ZNF57: variants seen among roughly 807,000 people sequenced by gnomAD.
ZNF57 encodes the protein zinc finger protein 57, also known as zinc finger protein 424.
A neutral mutation model predicts 13.4 loss-of-function variants in ZNF57; 11 were observed. That is an observed-to-expected ratio of 0.82 (90% CI 0.52 to 1.36). The LOEUF is 1.36. ZNF57 is among the 40% of genes most tolerant of loss of function. The pLI, the probability that ZNF57 is intolerant of heterozygous loss-of-function variation, is 0.00. For missense variants in ZNF57, 696 were observed against 667.5 expected, an observed-to-expected ratio of 1.04 and a Z score of -0.47; for synonymous variants, 224 against 238.5, an observed-to-expected ratio of 0.94 and a Z score of 0.56.
chr19:2,915,582 G>A lies in ZNF57; in HGVS notation c.64G>A (p.Asp22Asn), dbSNP rs146287403. The A allele has an allele frequency of 1.2e-6, 2 of 1,613,944 alleles. No homozygotes were observed. Among genetic ancestry groups the A allele is most frequent in the African/African-American group, 2.7e-5 (2 of 74,926 alleles). ...DFTLEEWALL[D>N]SAQRDLYRDV... ...CACCCTGGAGGAGTGGGCTTTGCTG[G>A]ATTCTGCTCAGAGGGACCTCTACAG... The change falls in exon 2 of 4, where the codon GAT (aspartate) becomes AAT (asparagine). Residue 22 changes from aspartate to asparagine, a missense_variant. Asp to Asn is a conservative substitution (Grantham distance 23). This residue lies in a region of ZNF57 where 43 missense variants were observed against 53.5 expected (regional missense o/e 0.80). Transcript: ENST00000306908.
chr19:2,918,343 C>T lies in ZNF57; in HGVS notation c.*54C>T, dbSNP rs1233681450. 4.6e-6 allele frequency: 7 copies of T among 1,509,480 alleles called. No homozygotes were observed. Among genetic ancestry groups the T allele is most frequent in the African/African-American group, 1.4e-5 (1 of 71,614 alleles). 93.5% of individuals were successfully genotyped at this position (1,509,480 alleles called of 1,614,324 possible). A position where few individuals can be genotyped will look rare whatever the true frequency, so the allele number is the denominator to read the frequency against. On this transcript the variant is annotated 3_prime_UTR_variant, in exon 4 of 4. Transcript: ENST00000306908. ...ACCTCACATTAATTCATGTATAATG[C>T]TCCAGAAAATTCACACCAGGAGAGA...
intron 1 of ZNF57, among the ~76,000 whole-genome samples, chr19:2,914,026 C>A (rs2088165922): frequency 6.6e-6 from 1 of 152,184 alleles, no homozygotes. Flanking sequence ...CGTTCTTCTG[C>A]ACTTGAGAAG....
At chr19:2,906,211 C>G (rs2088074125) in intron 1 of ZNF57, among the ~76,000 whole-genome samples, 1 of 152,194 alleles carries the variant, frequency 6.6e-6, no homozygotes, top group African/African-American at 2.4e-5. Flanking sequence ...TGCCACCACA[C>G]CCAGCTAATT....
chr19:2,916,880 T>C (rs777736977), intron 3 of ZNF57, 44 bp from the exon 4 acceptor site: 1 of 1,489,304 alleles, frequency 6.7e-7, no homozygotes, highest in Non-Finnish European at 9.1e-7. Context: ...CAACACATCA[T>C]TACTAAACAT....
In ZNF57 at chr19:2,903,471, C is replaced by T. The variant is rs139774225; in HGVS notation, c.3+2423C>T. Reference sequence around the variant, plus strand: ...AAGTGATCCACCCTCCTCCGCCTCCCAAAGTGCTGGGATTTCAGGCGTGAG... The same window carrying T: ...AAGTGATCCACCCTCCTCCGCCTCCTAAAGTGCTGGGATTTCAGGCGTGAG... On this transcript the variant is annotated intron_variant, in intron 1 of 3. Coordinates refer to ENST00000306908, the MANE Select transcript of ZNF57 (RefSeq NM_173480.3). Among the ~76,000 whole-genome samples, 241 of 152,230 alleles carry T rather than the reference C, an allele frequency of 1.6e-3. 2 individuals carry two copies. The highest frequency in any genetic ancestry group is 5.6e-3 in the African/African-American group (231 of 41,548).
Position 2,917,280 on chromosome 19 carries a change from CA to C in ZNF57, c.660del (p.Glu221ArgfsTer23). 2 of 1,614,076 alleles carry C rather than the reference CA, an allele frequency of 1.2e-6. No homozygotes were observed. The highest frequency in any genetic ancestry group is 1.7e-6 in the Non-Finnish European group (2 of 1,179,954). ...TCCCACCACGTAAAGACTCACACAG[CA>C]GAGAAAACCTACAAATGCGAGCAGT... The part of the protein sequence containing the change: ...YLSHHVKTHT[A>X]EKTYKCEQCR... On this transcript the variant is annotated frameshift_variant, in exon 4 of 4. Transcript: ENST00000306908. LOFTEE classifies it low-confidence loss of function (END_TRUNC).
intron 2 of ZNF57, 77 bp from the exon 3 acceptor site, chr19:2,916,001 T>C: frequency 6.7e-7 from 1 of 1,496,350 alleles, no homozygotes; most frequent in South Asian, 1.3e-5. Flanking sequence ...GTCCTCAAAA[T>C]GCTAAACTCC....
At position 2,903,281 on chromosome 19, in the gene ZNF57, C is replaced by CT. The variant is rs1200807663; in HGVS notation, c.3+2233_3+2234insT. ...GGCTGGAGTACAGTGGCGTGATCTC[C>CT]ACACATTGTATCATCCGCCTCCCGG... On this transcript the variant is annotated intron_variant, in intron 1 of 3. Transcript: ENST00000306908. Among the ~76,000 whole-genome samples, 24 of 150,756 alleles carry CT rather than the reference C, an allele frequency of 1.6e-4. 1 individual carries two copies. The Middle Eastern group carries it at 0.018, about 111-fold the overall frequency.
rs752126546 is a variant in ZNF57 at position 2,917,355 on chromosome 19, C to T, written c.734C>T (p.Thr245Ile). Residue 245 changes from threonine to isoleucine, a missense_variant, in exon 4 of 4, where the codon ACT becomes ATT. Thr to Ile is a moderately conservative substitution (Grantham distance 89). Coordinates refer to ENST00000306908, the MANE Select transcript of ZNF57 (RefSeq NM_173480.3). ...GFASFTRHVRTHTKDRPYKCQ... is the reference protein window; with the variant it reads ...GFASFTRHVRIHTKDRPYKCQ... The stretch of plus-strand genomic sequence containing the variant: ...GCAAGCTTCACTAGACATGTGAGAA[C>T]TCACACAAAAGACAGGCCATATAAA... 2.2e-5 allele frequency: 36 copies of T among 1,614,086 alleles called. No individual in the cohort carries two copies. Among genetic ancestry groups the T allele is most frequent in the Non-Finnish European group, 5.1e-6 (6 of 1,180,058 alleles).
Position 2,916,052 on chromosome 19 carries a change from G to A in ZNF57, c.131-26G>A, listed in dbSNP as rs62125397. The A allele has an allele frequency of 0.017, 27,116 of 1,599,888 alleles. 284 individuals are homozygous for A. Among genetic ancestry groups the A allele is most frequent in the Non-Finnish European group, 0.02 (23,313 of 1,174,166 alleles). Reference sequence around the variant, plus strand: ...GCTTAATACGTGTCTTATTCCTTTTGAGATTTGTTTACTTTTTTGTTGCAG... The same window carrying A: ...GCTTAATACGTGTCTTATTCCTTTTAAGATTTGTTTACTTTTTTGTTGCAG... On this transcript the variant is annotated intron_variant, in intron 2 of 3. Coordinates refer to ENST00000306908, the MANE Select transcript of ZNF57 (RefSeq NM_173480.3).
chr19:2,905,374 A>T lies in ZNF57; in HGVS notation c.3+4326A>T, dbSNP rs928552607. On this transcript the variant is annotated intron_variant, in intron 1 of 3. Coordinates refer to ENST00000306908, the MANE Select transcript of ZNF57 (RefSeq NM_173480.3). ...GAGATGGGGTTTCATCATGTTGGCC[A>T]GGCTGGTCTCGAACTCTTGACTTCA... 6.0e-5 allele frequency among the ~76,000 whole-genome samples: 7 copies of T among 116,322 alleles called. No individual in the cohort carries two copies. The Admixed American group carries it at 6.9e-4, about 11-fold the overall frequency. 76.3% of individuals were successfully genotyped at this position (116,322 alleles called of 152,430 possible). A position where few individuals can be genotyped will look rare whatever the true frequency, so the allele number is the denominator to read the frequency against.
chr19:2,903,536 C>T (rs2088046853), intron 1 of ZNF57, among the ~76,000 whole-genome samples: 2 of 151,550 alleles, frequency 1.3e-5, no homozygotes. Context: ...ATATAAACAC[C>T]AGTGGCCTTA....
At position 2,908,461 on chromosome 19, in the gene ZNF57, G is replaced by GTTTTTTT. The variant is rs60289248; in HGVS notation, c.4-7050_4-7044dup. ...TTTCATTGTTGTTGTTATTTTTTTG[G>GTTTTTTT]TTTTTTTTTTTTTTTTTGAGACGGA... On this transcript the variant is annotated intron_variant, in intron 1 of 3. Transcript: ENST00000306908. 1.1e-4 allele frequency among the ~76,000 whole-genome samples: 13 copies of GTTTTTTT among 122,638 alleles called. 1 individual carries two copies. Among genetic ancestry groups the GTTTTTTT allele is most frequent in the African/African-American group, 2.3e-4 (7 of 30,650 alleles). The allele number at this position is 122,638 out of a possible 152,430, so 80.5% of individuals were successfully genotyped here. A position where few individuals can be genotyped will look rare whatever the true frequency, so the allele number is the denominator to read the frequency against.
intron 1 of ZNF57, among the ~76,000 whole-genome samples, chr19:2,905,527 G>A (rs546665816): frequency 5.4e-5 from 8 of 148,388 alleles, no homozygotes; most frequent in South Asian, 4.3e-4. Flanking sequence ...TCCCTCTACC[G>A]GCGGAGGCGG....
intron 1 of ZNF57, among the ~76,000 whole-genome samples, chr19:2,912,729 CTG>C (rs1436638668): frequency 6.6e-6 from 1 of 152,164 alleles, no homozygotes; most frequent in African/African-American, 2.4e-5. Context: ...AACTGCCACA[CTG>C]TTTTCTTAAT....
chr19:2,903,322 C>G (rs146389382), intron 1 of ZNF57, among the ~76,000 whole-genome samples: 1 of 152,118 alleles, frequency 6.6e-6, no homozygotes, highest in African/African-American at 2.4e-5. Flanking sequence ...AGCAATTCTC[C>G]TGCCTCAGCC....
At chr19:2,916,879 A>G (rs755629277) in intron 3 of ZNF57, 45 bp from the exon 4 acceptor site, 36 of 1,478,632 alleles carry the variant, frequency 2.4e-5, no homozygotes, top group Non-Finnish European at 3.3e-5. Flanking sequence ...TCAACACATC[A>G]TTACTAAACA....
chr19:2,909,190 T>G (rs769522520), intron 1 of ZNF57, among the ~76,000 whole-genome samples: 2 of 152,020 alleles, frequency 1.3e-5, no homozygotes, highest in Non-Finnish European at 2.9e-5. Context: ...GTTTTCAAAT[T>G]TCTTCAGTAT....
At chr19:2,908,537 C>T (rs547063881) in intron 1 of ZNF57, among the ~76,000 whole-genome samples, 1 of 147,048 alleles carries the variant, frequency 6.8e-6, no homozygotes, top group Non-Finnish European at 1.5e-5. Flanking sequence ...CTCGAAGCTC[C>T]GCCTCCCCAG....
Sources: gnomAD v4.1 joint callset for allele counts (sites outside exome capture counted in the v4.1 genomes callset) on GRCh38, gnomAD v4.1.1 for gene constraint, gnomAD v4.1.1 regional missense constraint, MANE v1.5 for transcripts, NCBI Gene and HGNC (gene_info 2026-07-23, HGNC 2026-07-21) for gene names.